The following SDK1 variants were observed in gnomAD, a reference collection of about 807,000 sequenced individuals.
SDK1 encodes the protein sidekick cell adhesion molecule 1.
Under a neutral mutation model 245.5 loss-of-function variants are expected in SDK1, and 157 were observed. The ratio of observed to expected loss-of-function variants is 0.64; its 90% CI spans 0.56 to 0.73. The LOEUF is 0.73. SDK1 is among the 30% of genes least tolerant of loss of function. SDK1 has a pLI of 0.00. For synonymous variants in SDK1, 1,647 were observed against 1,278.5 expected (o/e 1.29, Z -6.15); for missense variants, 3,583 against 3,002.3 (o/e 1.19, Z -4.52).
chr7:3,897,988 A>G (rs1413794266), intron 5 of SDK1, among the ~76,000 whole-genome samples: 1 of 149,526 alleles, frequency 6.7e-6, no homozygotes, highest in Non-Finnish European at 1.5e-5. Flanking sequence ...CTTTCCTTCC[A>G]TGTGTGCACA....
At chr7:4,033,737 G>A (rs1030366533) in intron 17 of SDK1, among the ~76,000 whole-genome samples, 1 of 152,120 alleles carries the variant, frequency 6.6e-6, no homozygotes, top group African/African-American at 2.4e-5. Flanking sequence ...CACATAAAAA[G>A]TGATGGTACA....
chr7:4,264,320 GA>G (rs202120926), intron 44 of SDK1, among the ~76,000 whole-genome samples: 4 of 135,958 alleles, frequency 2.9e-5, no homozygotes, highest in African/African-American at 5.5e-5. Flanking sequence ...TCTCCTGAGT[GA>G]GGGAGGCCGC....
intron 1 of SDK1, among the ~76,000 whole-genome samples, chr7:3,330,786 A>G (rs1012258888): frequency 1.3e-5 from 2 of 148,346 alleles, no homozygotes; most frequent in Non-Finnish European, 3.0e-5. Flanking sequence ...AATGTGGGCA[A>G]CATAACAAAA....
At chr7:4,154,837 G>T (rs1430179687) in intron 30 of SDK1, among the ~76,000 whole-genome samples, 9 of 152,084 alleles carry the variant, frequency 5.9e-5, no homozygotes, top group Non-Finnish European at 1.3e-4. Flanking sequence ...ACAGAGTGCA[G>T]AATTGGGAGG....
At chr7:3,652,880 G>C (rs1783052216) in intron 4 of SDK1, among the ~76,000 whole-genome samples, 1 of 152,174 alleles carries the variant, frequency 6.6e-6, no homozygotes, top group South Asian at 2.1e-4. Flanking sequence ...TTGTCTCCGA[G>C]CTTTATAAGA....
intron 1 of SDK1, among the ~76,000 whole-genome samples, chr7:3,413,182 G>A (rs1410125080): frequency 6.6e-6 from 1 of 152,174 alleles, no homozygotes; most frequent in Non-Finnish European, 1.5e-5. Context: ...GGTGGCAGTA[G>A]CAGGAACAAC....
intron 5 of SDK1, among the ~76,000 whole-genome samples, chr7:3,881,275 C>T (rs149890336): frequency 3.3e-5 from 5 of 152,020 alleles, no homozygotes; most frequent in Admixed American, 6.6e-5. Flanking sequence ...AACAGGCCCC[C>T]CAGTGTGTGT....
At position 3,621,210 on chromosome 7, in the gene SDK1, G is replaced by A. The variant is rs114832073; in HGVS notation, c.458+1971G>A. The stretch of plus-strand genomic sequence containing the variant: ...TTGTTAGAAGGGGTGTAAGAAAGCA[G>A]AAACAGAAAAAGTGAACTTAGAGTT... On this transcript the variant is annotated intron_variant, in intron 2 of 44. Coordinates refer to ENST00000404826, the MANE Select transcript of SDK1 (RefSeq NM_152744.4). 2.5e-3 allele frequency among the ~76,000 whole-genome samples: 382 copies of A among 152,250 alleles called. 2 individuals are homozygous for A. The highest frequency in any genetic ancestry group is 8.7e-3 in the African/African-American group (363 of 41,558).
chr7:3,432,599 G>A (rs1562483233), intron 1 of SDK1, among the ~76,000 whole-genome samples: 1 of 152,230 alleles, frequency 6.6e-6, no homozygotes, highest in East Asian at 1.9e-4. Context: ...ATTTTGCTAG[G>A]TTTCGCATAG....
chr7:3,981,387 C>A (rs904990381), intron 13 of SDK1, among the ~76,000 whole-genome samples: 3 of 152,096 alleles, frequency 2.0e-5, no homozygotes, highest in Non-Finnish European at 2.9e-5. Flanking sequence ...TGAAATTTGG[C>A]CAGTTAATAA....
At chr7:4,258,427 A>C (rs556560928) in intron 44 of SDK1, among the ~76,000 whole-genome samples, 1 of 152,334 alleles carries the variant, frequency 6.6e-6, no homozygotes, top group African/African-American at 2.4e-5. Flanking sequence ...AATTCGTAGC[A>C]TGCCCTCCCA....
At chr7:3,971,404 C>G (rs114321620) in intron 11 of SDK1, 62 bp from the exon 12 acceptor site, 396 of 1,166,800 alleles carry the variant, frequency 3.4e-4, no homozygotes, top group African/African-American at 3.4e-3. Context: ...CATTATCCCC[C>G]CTGAGGGCAG....
chr7:3,882,089 G>A (rs990490388), intron 5 of SDK1, among the ~76,000 whole-genome samples: 18 of 152,174 alleles, frequency 1.2e-4, no homozygotes, highest in African/African-American at 4.1e-4. Flanking sequence ...AGAGAGAAAC[G>A]AGAGCCAAGT....
At chr7:3,919,969 C>A (rs553375437) in intron 5 of SDK1, among the ~76,000 whole-genome samples, 4 of 152,136 alleles carry the variant, frequency 2.6e-5, no homozygotes, top group Non-Finnish European at 4.4e-5. Context: ...AGAGGGGGCA[C>A]CACCAGCTCT....
chr7:3,619,369 A>G (rs1583234317), intron 2 of SDK1, 130 bp downstream of exon 2: 3 of 685,520 alleles, frequency 4.4e-6, no homozygotes, highest in Non-Finnish European at 4.8e-6. Flanking sequence ...GATTAAAGGA[A>G]TAGATTTGAA....
intron 1 of SDK1, among the ~76,000 whole-genome samples, chr7:3,437,522 A>C (rs1234977249): frequency 2.0e-5 from 3 of 152,168 alleles, no homozygotes; most frequent in Non-Finnish European, 4.4e-5. Context: ...TTGTAATCTC[A>C]GAGCTTTGGG....
In SDK1 at chr7:3,307,690, C is replaced by G. The variant is rs75532592; in HGVS notation, c.298+5806C>G. On this transcript the variant is annotated intron_variant, in intron 1 of 44. Coordinates refer to ENST00000404826, the MANE Select transcript of SDK1 (RefSeq NM_152744.4). ...ATGAAAGCAGTTTTTATAAAGCTTT[C>G]CTAGAAACATGGATATAGTAAATGG... 8.9e-3 allele frequency among the ~76,000 whole-genome samples: 1,360 copies of G among 152,244 alleles called. 28 individuals are homozygous for G. The highest frequency in any genetic ancestry group is 0.031 in the African/African-American group (1,305 of 41,552).
chr7:4,046,619 G>T (rs1201695857), intron 17 of SDK1, among the ~76,000 whole-genome samples: 1 of 152,040 alleles, frequency 6.6e-6, no homozygotes, highest in Non-Finnish European at 1.5e-5. Flanking sequence ...GTAATTTCTT[G>T]CCTGTCTTCT....
At chr7:3,797,786 G>T (rs1778999123) in intron 4 of SDK1, among the ~76,000 whole-genome samples, 1 of 152,104 alleles carries the variant, frequency 6.6e-6, no homozygotes, top group East Asian at 1.9e-4. Context: ...TTTCAGAACT[G>T]TTTCTCTCCT....
Sources: allele counts gnomAD v4.1 joint callset (sites outside exome capture counted in the v4.1 genomes callset), GRCh38; gene constraint gnomAD v4.1.1; transcripts MANE v1.5; gene names NCBI Gene and HGNC (gene_info 2026-07-23, HGNC 2026-07-21).